Variants in PHACTR3 observed in about 807,000 individuals in gnomAD.
PHACTR3 encodes phosphatase and actin regulator 3, also known as protein phosphatase 1, regulatory subunit 123.
In PHACTR3, 16 loss-of-function variants were observed where a neutral mutation model predicts 66.8. That is an observed-to-expected ratio of 0.24 (90% CI 0.16 to 0.36). PHACTR3 has a LOEUF of 0.36. PHACTR3 is among the 10% of genes least tolerant of loss of function. The probability of loss-of-function intolerance (pLI) is 1.00; values close to 1 mark genes in which losing one functional copy is unlikely to be tolerated. For missense variants in PHACTR3, 647 were observed against 719.9 expected, an observed-to-expected ratio of 0.90 and a Z score of 1.16; for synonymous variants, 323 against 292.1, an observed-to-expected ratio of 1.11 and a Z score of -1.08.
chr20:59,643,446 G>A (rs550921951), intron 1 of PHACTR3, among the ~76,000 whole-genome samples: 1 of 152,154 alleles, frequency 6.6e-6, no homozygotes, highest in Non-Finnish European at 1.5e-5. Context: ...ATGATTTTAA[G>A]CATCTTGTTT....
chr20:59,709,577 G>C (rs1243649674), intron 1 of PHACTR3, among the ~76,000 whole-genome samples: 3 of 152,138 alleles, frequency 2.0e-5, no homozygotes, highest in African/African-American at 4.8e-5. Flanking sequence ...AGAAGTACTG[G>C]TTATATTATT....
chr20:59,744,479 C>T lies in PHACTR3; in HGVS notation c.280+1211C>T, dbSNP rs141392603. On this transcript the variant is annotated intron_variant, in intron 2 of 12. Coordinates refer to ENST00000371015, the MANE Select transcript of PHACTR3 (RefSeq NM_080672.5). ...TCAGGAACCAGCCCTGGCGAGTGCC[C>T]GTCTCAGGCTGTTGCCTCGGGGGGT... Among the ~76,000 whole-genome samples, 10 of 152,330 alleles carry T rather than the reference C, an allele frequency of 6.6e-5. No individual in the cohort carries two copies. The East Asian group carries it at 1.4e-3, about 21-fold the overall frequency.
rs188027159 is a variant in PHACTR3 at position 59,719,208 on chromosome 20, C to T, written c.119-23899C>T. ...TGAAACAGAATCTCACTCTGTCCAC[C>T]AGACTGGAGTGCAGTGGTGCGATCT... is the stretch of plus-strand genomic sequence containing the variant. On this transcript the variant is annotated intron_variant, in intron 1 of 12. Coordinates refer to ENST00000371015, the MANE Select transcript of PHACTR3 (RefSeq NM_080672.5). 2.5e-3 allele frequency among the ~76,000 whole-genome samples: 380 copies of T among 152,278 alleles called. 2 individuals carry two copies. Among genetic ancestry groups the T allele is most frequent in the African/African-American group, 8.8e-3 (364 of 41,556 alleles).
chr20:59,781,520 A>T (rs1055849030), intron 7 of PHACTR3, among the ~76,000 whole-genome samples: 4 of 152,170 alleles, frequency 2.6e-5, no homozygotes, highest in Non-Finnish European at 5.9e-5. Flanking sequence ...GGCGGATGAG[A>T]CAACGCTCAT....
At chr20:59,600,004 C>T (rs1335354785), upstream of PHACTR3, among the ~76,000 whole-genome samples, 1 of 152,246 alleles carries the variant, frequency 6.6e-6, no homozygotes, top group Non-Finnish European at 1.5e-5. Context: ...AAATCAGGCT[C>T]TTCCTGAGGT....
chr20:59,713,614 A>ATAG (rs2037982699), intron 1 of PHACTR3, among the ~76,000 whole-genome samples: 1 of 152,180 alleles, frequency 6.6e-6, no homozygotes, highest in South Asian at 2.1e-4. Context: ...TCTTTGCTGT[A>ATAG]TAGTATTCCA....
intron 7 of PHACTR3, among the ~76,000 whole-genome samples, chr20:59,793,672 T>A (rs1374594688): frequency 1.3e-5 from 2 of 152,184 alleles, no homozygotes; most frequent in Non-Finnish European, 2.9e-5. Flanking sequence ...AACAGTTTTT[T>A]GGTGAGGTCT....
rs980481528 is a variant in PHACTR3 at position 59,630,652 on chromosome 20, G to A, written c.118+25520G>A. Among the ~76,000 whole-genome samples, 9 of 152,304 alleles carry A rather than the reference G, an allele frequency of 5.9e-5. No homozygotes were observed. In the East Asian group the frequency reaches 1.7e-3, roughly 29 times the overall value. On this transcript the variant is annotated intron_variant, in intron 1 of 12. Coordinates refer to ENST00000371015, the MANE Select transcript of PHACTR3 (RefSeq NM_080672.5). The stretch of plus-strand genomic sequence containing the variant: ...AGTGAAGTTGGGGAGACACCGGGTG[G>A]TGCAGTTACCCAGCACCATCTAGAG...
chr20:59,707,457 C>CTTTT lies in PHACTR3; in HGVS notation c.119-35632_119-35629dup, dbSNP rs34134572. On this transcript the variant is annotated intron_variant, in intron 1 of 12. Transcript: ENST00000371015. ...CTTCTTTCTCTCTCTTGCTCCCACT[C>CTTTT]TTTTTTTTTTTTTTTTTTTTTGAGG... Among the ~76,000 whole-genome samples the CTTTT allele has an allele frequency of 7.2e-3, 720 of 100,330 alleles. 32 individuals are homozygous for CTTTT. Among genetic ancestry groups the CTTTT allele is most frequent in the Middle Eastern group, 0.015 (2 of 134 alleles). 65.8% of individuals were successfully genotyped at this position (100,330 alleles called of 152,430 possible).
chr20:59,837,059 G>A (rs1288422174), intron 9 of PHACTR3, among the ~76,000 whole-genome samples: 2 of 152,184 alleles, frequency 1.3e-5, no homozygotes, highest in Non-Finnish European at 2.9e-5. Context: ...GCAACCCCTT[G>A]CATTTCCCGT....
intron 1 of PHACTR3, among the ~76,000 whole-genome samples, chr20:59,729,024 G>A (rs1041985957): frequency 1.3e-5 from 2 of 152,166 alleles, no homozygotes; most frequent in Admixed American, 1.3e-4. Flanking sequence ...GGATCCGGAG[G>A]TGGGGATGAG....
chr20:59,834,225 A>G (rs1394951726), intron 8 of PHACTR3, among the ~76,000 whole-genome samples: 1 of 152,124 alleles, frequency 6.6e-6, no homozygotes, highest in Non-Finnish European at 1.5e-5. Flanking sequence ...TTGCTCTAAA[A>G]GTGCCTGTGT....
intron 1 of PHACTR3, among the ~76,000 whole-genome samples, chr20:59,719,682 C>T (rs2038221288): frequency 6.6e-6 from 1 of 152,206 alleles, no homozygotes; most frequent in Non-Finnish European, 1.5e-5. Flanking sequence ...CTTCTGGAAT[C>T]TGCAAGGATT....
intron 1 of PHACTR3, among the ~76,000 whole-genome samples, chr20:59,729,659 C>T (rs1027315973): frequency 1.3e-5 from 2 of 152,128 alleles, no homozygotes; most frequent in African/African-American, 4.8e-5. Context: ...GAGGGACTGG[C>T]TCTGTCACCT....
intron 11 of PHACTR3, 46 bp from the exon 12 acceptor site, chr20:59,845,143 A>AT (rs747712998): frequency 1.4e-5 from 18 of 1,243,386 alleles, no homozygotes; most frequent in African/African-American, 1.4e-4. Context: ...TAATTTCCTG[A>AT]TTTTTTTAAT....
At chr20:59,662,544 C>G (rs775841987) in intron 1 of PHACTR3, among the ~76,000 whole-genome samples, 34 of 152,088 alleles carry the variant, frequency 2.2e-4, no homozygotes, top group Non-Finnish European at 4.3e-4. Flanking sequence ...GGAGACAGCA[C>G]GTCTCAGAGG....
chr20:59,679,360 C>T (rs563848035), intron 1 of PHACTR3, among the ~76,000 whole-genome samples: 19 of 152,302 alleles, frequency 1.2e-4, no homozygotes, highest in East Asian at 3.9e-4. Flanking sequence ...TGTACATGCA[C>T]ACACACGAAA....
chr20:59,840,959 TC>T (rs1356707279), intron 10 of PHACTR3, among the ~76,000 whole-genome samples: 3 of 152,230 alleles, frequency 2.0e-5, no homozygotes, highest in African/African-American at 7.2e-5. Context: ...ATTTCTAAAT[TC>T]AAGTGTTCTG....
At chr20:59,619,844 G>A (rs1354514503) in intron 1 of PHACTR3, among the ~76,000 whole-genome samples, 2 of 152,228 alleles carry the variant, frequency 1.3e-5, no homozygotes, top group Non-Finnish European at 2.9e-5. Context: ...GAGAAGCAAA[G>A]CTGTGTGGCC....
Sources: allele counts gnomAD v4.1 joint callset (sites outside exome capture counted in the v4.1 genomes callset), GRCh38; gene constraint gnomAD v4.1.1; transcripts MANE v1.5; gene names NCBI Gene and HGNC (gene_info 2026-07-23, HGNC 2026-07-21).